The following SHISA9 variants were observed in gnomAD, a reference collection of about 807,000 sequenced individuals.
SHISA9 encodes shisa family member 9, also known as protein shisa-9.
Under a neutral mutation model 38.0 loss-of-function variants are expected in SHISA9, and 13 were observed. That is an observed-to-expected ratio of 0.34 (90% CI 0.22 to 0.54). The LOEUF (loss-of-function observed/expected upper bound fraction) is 0.54. SHISA9 is among the 20% of genes least tolerant of loss of function. SHISA9 has a pLI of 0.91. For synonymous variants in SHISA9, 275 were observed against 242.0 expected (o/e 1.14, Z -1.27); for missense variants, 538 against 575.8 (o/e 0.93, Z 0.67).
intron 2 of SHISA9, among the ~76,000 whole-genome samples, chr16:12,954,223 A>G (rs147671414): frequency 1.4e-3 from 215 of 152,336 alleles, no homozygotes; most frequent in Middle Eastern, 6.8e-3. Context: ...GCAAAGGCGT[A>G]GAGATGTGGT....
chr16:13,366,552 C>T, the SHISA9 span, among the ~76,000 whole-genome samples: 3 of 152,032 alleles, frequency 2.0e-5, no homozygotes, highest in Admixed American at 1.3e-4. Context: ...AGCAAGAATC[C>T]AGGTTTTAGT....
At chr16:13,007,293 G>C (rs930672612) in intron 2 of SHISA9, among the ~76,000 whole-genome samples, 5 of 152,078 alleles carry the variant, frequency 3.3e-5, no homozygotes, top group African/African-American at 1.2e-4. Context: ...CTAATATCCA[G>C]TTTCCCAAAC....
At chr16:13,073,224 T>TC (rs2073539674) in intron 2 of SHISA9, among the ~76,000 whole-genome samples, 2 of 121,448 alleles carry the variant, frequency 1.6e-5, no homozygotes, top group African/African-American at 6.1e-5. Context: ...CTCTCTCTCT[T>TC]TTTTTTTTTT....
intron 2 of SHISA9, among the ~76,000 whole-genome samples, chr16:13,198,362 A>G (rs139216555): frequency 1.9e-4 from 28 of 151,214 alleles, no homozygotes; most frequent in East Asian, 1.7e-3. Flanking sequence ...ATATACTTGT[A>G]TGTGTATGTA....
downstream of SHISA9, among the ~76,000 whole-genome samples, chr16:13,243,545 G>A (rs2142097806): frequency 6.6e-6 from 1 of 152,298 alleles, no homozygotes; most frequent in Middle Eastern, 3.4e-3. Context: ...TGTTTGGGTT[G>A]ATGCAAGAGG....
the SHISA9 span, among the ~76,000 whole-genome samples, chr16:13,405,952 A>AT: frequency 3.3e-5 from 5 of 152,022 alleles, no homozygotes; most frequent in African/African-American, 1.2e-4. Context: ...AAAAAAAAAA[A>AT]AAAGCAATTG....
chr16:13,021,621 C>T (rs1298633999), intron 2 of SHISA9, among the ~76,000 whole-genome samples: 4 of 152,122 alleles, frequency 2.6e-5, no homozygotes, highest in Admixed American at 1.3e-4. Flanking sequence ...GAAGAAGAAA[C>T]GGTACCTGAG....
intron 2 of SHISA9, among the ~76,000 whole-genome samples, chr16:12,975,700 C>T (rs1407573199): frequency 6.7e-6 from 1 of 148,398 alleles, no homozygotes. Flanking sequence ...CTGGCCTAAT[C>T]AGGAATTGGT....
At chr16:13,456,231 C>G in the SHISA9 span, among the ~76,000 whole-genome samples, 2 of 152,158 alleles carry the variant, frequency 1.3e-5, no homozygotes, top group Non-Finnish European at 2.9e-5. Context: ...TCATCTCATC[C>G]TTCTAAAATG....
the SHISA9 span, among the ~76,000 whole-genome samples, chr16:13,413,370 C>T: frequency 6.6e-6 from 1 of 152,222 alleles, no homozygotes; most frequent in Non-Finnish European, 1.5e-5. Flanking sequence ...CTCCTTCCTG[C>T]TCTTAAAAAC....
At chr16:13,320,292 C>CAA in the SHISA9 span, among the ~76,000 whole-genome samples, 450 of 38,960 alleles carry the variant, frequency 0.012, 64 homozygotes, top group African/African-American at 0.018. Context: ...GACTCTGTCT[C>CAA]AAAAAAAAAA....
the SHISA9 span, among the ~76,000 whole-genome samples, chr16:13,253,424 A>G: frequency 6.6e-6 from 1 of 152,202 alleles, no homozygotes; most frequent in Non-Finnish European, 1.5e-5. Context: ...TCCACTGCTA[A>G]TAAAGACATA....
intron 2 of SHISA9, among the ~76,000 whole-genome samples, chr16:12,940,619 A>G (rs2071597923): frequency 6.6e-6 from 1 of 152,176 alleles, no homozygotes; most frequent in Admixed American, 6.5e-5. Context: ...TGCTCTCACC[A>G]TTGCTCCATA....
At chr16:13,025,720 T>C (rs1018530550) in intron 2 of SHISA9, among the ~76,000 whole-genome samples, 4 of 152,238 alleles carry the variant, frequency 2.6e-5, no homozygotes, top group Non-Finnish European at 5.9e-5. Flanking sequence ...TCTTCCTAAC[T>C]GCGGGTCAGT....
At chr16:13,291,185 C>T in the SHISA9 span, among the ~76,000 whole-genome samples, 3 of 152,062 alleles carry the variant, frequency 2.0e-5, no homozygotes, top group Admixed American at 6.5e-5. Flanking sequence ...AGAAGCATTT[C>T]AAGAGAGTGA....
chr16:13,352,650 C>T, the SHISA9 span, among the ~76,000 whole-genome samples: 1 of 144,512 alleles, frequency 6.9e-6, no homozygotes, highest in Non-Finnish European at 1.5e-5. Flanking sequence ...TTTATTTCAC[C>T]TGGGCGCAGG....
intron 1 of SHISA9, among the ~76,000 whole-genome samples, chr16:12,914,354 T>C (rs369000056): frequency 6.6e-6 from 1 of 152,176 alleles, no homozygotes; most frequent in South Asian, 2.1e-4. Context: ...GTTTATCTAC[T>C]TAACATGTTT....
intron 2 of SHISA9, among the ~76,000 whole-genome samples, chr16:13,072,612 C>A (rs189610196): frequency 1.2e-4 from 19 of 152,200 alleles, no homozygotes; most frequent in African/African-American, 4.6e-4. Context: ...GACCTATGAT[C>A]AAGTCAGTCA....
At chr16:12,930,502 A>G (rs1229256176) in intron 2 of SHISA9, among the ~76,000 whole-genome samples, 1 of 152,106 alleles carries the variant, frequency 6.6e-6, no homozygotes, top group Non-Finnish European at 1.5e-5. Flanking sequence ...TGTCAAAAGC[A>G]TTTTCCTCCT....
Sources: allele counts gnomAD v4.1 joint callset (sites outside exome capture counted in the v4.1 genomes callset), GRCh38; gene constraint gnomAD v4.1.1; transcripts MANE v1.5; gene names NCBI Gene and HGNC (gene_info 2026-07-23, HGNC 2026-07-21).